The following IL15RA variants were observed in gnomAD, a reference collection of about 807,000 sequenced individuals.
IL15RA encodes interleukin-15 receptor subunit alpha.
IL15RA carries 26 observed loss-of-function variants against 24.2 expected under a neutral mutation model. The observed-to-expected ratio is 1.07, with a 90% CI of 0.79 to 1.49. IL15RA has a LOEUF of 1.49. Among genes scored for constraint, IL15RA ranks in the 40% most tolerant of loss-of-function variants. IL15RA has a pLI of 0.00. For synonymous variants in IL15RA, 166 were observed against 157.6 expected, an observed-to-expected ratio of 1.05 and a Z score of -0.40; for missense variants, 354 against 356.4, an observed-to-expected ratio of 0.99 and a Z score of 0.05.
rs1490119570 is a variant in IL15RA, at chr10:5,955,813, G to A, written c.692+566C>T. Among the ~76,000 whole-genome samples the A allele has an allele frequency of 1.3e-5, 2 of 152,154 alleles. No individual in the cohort carries two copies. Among genetic ancestry groups the A allele is most frequent in the Non-Finnish European group, 2.9e-5 (2 of 68,032 alleles). On this transcript the variant is annotated intron_variant, in intron 6 of 6. Transcript: ENST00000379977. The surrounding 1 kb of genome is among the most constrained non-coding windows in gnomAD (Gnocchi z 5.3). ...ACAAGAAGAATGGGTAGGACTGCAC[G>A]CGTTGGCCACCTGGTGCACTTTCTC...
chr10:5,952,080 T>G (rs1429012174), downstream of IL15RA, among the ~76,000 whole-genome samples: 1 of 152,162 alleles, frequency 6.6e-6, no homozygotes, highest in African/African-American at 2.4e-5. Context: ...AGGCCCATGA[T>G]TTTAGAAATA....
rs1000546143 is a variant in IL15RA, at chr10:5,977,389, G to A, written c.88+16C>T. 34 of 1,242,900 alleles carry A rather than the reference G, an allele frequency of 2.7e-5. No homozygotes were observed. The highest frequency in any genetic ancestry group is 3.2e-5 in the Non-Finnish European group (31 of 970,788). 77.0% of individuals were successfully genotyped at this position (1,242,900 alleles called of 1,614,324 possible). ...TTCCAAGTCCCGCCCGGGCGCCCCT[G>A]CTCCCAGCTCCCTACCCCGCGTCGC... is the stretch of plus-strand genomic sequence containing the variant. On this transcript the variant is annotated intron_variant, in intron 1 of 6. Transcript: ENST00000379977.
chr10:5,950,933 T>G (rs1321614182), downstream of IL15RA: 3 of 151,930 alleles, frequency 2.0e-5, no homozygotes, highest in African/African-American at 7.3e-5. This position sits in a 1 kb window ranked among gnomAD's most constrained non-coding sequence, Gnocchi z 5.6. Context: ...GGCTCACAAG[T>G]TCAAGAGACC....
intron 1 of IL15RA, chr10:5,977,044 A>C: frequency 5.0e-6 from 1 of 198,068 alleles, no homozygotes; most frequent in Non-Finnish European, 1.0e-5. Context: ...GCCTGGGAGA[A>C]GCGCACTCGC....
At chr10:5,949,459 A>G, downstream of IL15RA, 1 of 453,248 alleles carries the variant, frequency 2.2e-6, no homozygotes, top group Admixed American at 2.4e-5. This position sits in a 1 kb window ranked among gnomAD's most constrained non-coding sequence, Gnocchi z 4.4. Flanking sequence ...GGAGGCTGTG[A>G]TTTGGGTCGG....
At chr10:5,956,722 C>T (rs998440876) in intron 5 of IL15RA, among the ~76,000 whole-genome samples, 8 of 152,120 alleles carry the variant, frequency 5.3e-5, no homozygotes, top group East Asian at 1.9e-4. Flanking sequence ...CCTGGGGTGA[C>T]GGGGCAGGGA....
intron 1 of IL15RA, among the ~76,000 whole-genome samples, chr10:5,969,428 A>C (rs1431416233): frequency 6.6e-6 from 1 of 152,100 alleles, no homozygotes; most frequent in African/African-American, 2.4e-5. Context: ...CGGGGAGTGC[A>C]GTGGCATGAT....
rs1209175450 is a variant in IL15RA, at chr10:5,956,465, G to A, written c.617-11C>T. On this transcript the variant is annotated splice_polypyrimidine_tract_variant and intron_variant, in intron 5 of 6. Coordinates refer to ENST00000379977, the MANE Select transcript of IL15RA (RefSeq NM_002189.4). ...ACGTGGAGATAGCCACTGAAAGGGA[G>A]GAGACCACGCTGAGATACCCAGAAG... The A allele has an allele frequency of 2.5e-6, 4 of 1,606,170 alleles. No homozygotes were observed. The highest frequency in any genetic ancestry group is 3.3e-5 in the Admixed American group (2 of 59,982).
In IL15RA at chr10:5,963,121, C is replaced by T. The variant is rs934840737; in HGVS notation, c.382+622G>A. Among the ~76,000 whole-genome samples, 1 of 152,206 alleles carries T rather than the reference C, an allele frequency of 6.6e-6. No individual in the cohort carries two copies. Among genetic ancestry groups the T allele is most frequent in the Admixed American group, 6.5e-5 (1 of 15,272 alleles). ...GGAGCTGATGGCCCTTTCTCTGGAC[C>T]ATCCTCTCAAGGGTGCTTCTACAGC... On this transcript the variant is annotated intron_variant, in intron 3 of 6. Transcript: ENST00000379977. This position sits in a 1 kb window ranked among gnomAD's most constrained non-coding sequence, Gnocchi z 5.3.
rs1196427656 is a variant in IL15RA at position 5,961,097 on chromosome 10, T to C, written c.383-530A>G. Reference sequence around the variant, plus strand: ...GCCCAGCTAATTTTTGTATTTTTAATAGAGATGGGGTTTCACCACGTTGGC... The same window carrying C: ...GCCCAGCTAATTTTTGTATTTTTAACAGAGATGGGGTTTCACCACGTTGGC... On this transcript the variant is annotated intron_variant, in intron 3 of 6. Coordinates refer to ENST00000379977, the MANE Select transcript of IL15RA (RefSeq NM_002189.4). This position sits in a 1 kb window ranked among gnomAD's most constrained non-coding sequence, Gnocchi z 5.2. Among the ~76,000 whole-genome samples the C allele has an allele frequency of 6.6e-6, 1 of 152,092 alleles. No individual in the cohort carries two copies. Among genetic ancestry groups the C allele is most frequent in the Non-Finnish European group, 1.5e-5 (1 of 67,994 alleles).
In IL15RA at chr10:5,967,975, C is replaced by T. The variant is rs1589231519; in HGVS notation, c.89-1636G>A. 6.6e-6 allele frequency among the ~76,000 whole-genome samples: 1 copy of T among 152,252 alleles called. No homozygotes were observed. Among genetic ancestry groups the T allele is most frequent in the East Asian group, 1.9e-4 (1 of 5,176 alleles). On this transcript the variant is annotated intron_variant, in intron 1 of 6. Coordinates refer to ENST00000379977, the MANE Select transcript of IL15RA (RefSeq NM_002189.4). The surrounding 1 kb of genome is among the most constrained non-coding windows in gnomAD (Gnocchi z 4.4). Reference sequence around the variant, plus strand: ...TCAGGAGGCTGAGGCAGGAGAATCACAGGAACCTGAGAGGCGGAGGTTGCA... The same window carrying T: ...TCAGGAGGCTGAGGCAGGAGAATCATAGGAACCTGAGAGGCGGAGGTTGCA...
In IL15RA at chr10:5,952,983, C is replaced by A; in HGVS notation, c.*112G>T. The A allele has an allele frequency of 1.3e-6, 1 of 782,260 alleles. No homozygotes were observed. Among genetic ancestry groups the A allele is most frequent in the African/African-American group, 1.7e-5 (1 of 58,096 alleles). The allele number at this position is 782,260 out of a possible 1,614,324, so 48.5% of individuals were successfully genotyped here. On this transcript the variant is annotated 3_prime_UTR_variant, in exon 7 of 7. Transcript: ENST00000379977. ...AGATCCTGCTGGGACTTCTGAGAGG[C>A]CTGGTGAGCTTGCTCCTGGAGCCCG...
rs574546663 is a variant in IL15RA, at chr10:5,963,907, G to A, written c.284-66C>T. 40 of 988,720 alleles carry A rather than the reference G, an allele frequency of 4.0e-5. No homozygotes were observed. Among genetic ancestry groups the A allele is most frequent in the South Asian group, 5.0e-5 (3 of 59,840 alleles). The allele number at this position is 988,720 out of a possible 1,614,324, so 61.2% of individuals were successfully genotyped here. ...CTGGAACCTGGGCTGGCTTCAGAACGGGATACAAATAAAATATATCAACAC... is the reference window on the plus strand; with the variant it reads ...CTGGAACCTGGGCTGGCTTCAGAACAGGATACAAATAAAATATATCAACAC... On this transcript the variant is annotated intron_variant, in intron 2 of 6. Coordinates refer to ENST00000379977, the MANE Select transcript of IL15RA (RefSeq NM_002189.4). The surrounding 1 kb of genome is among the most constrained non-coding windows in gnomAD (Gnocchi z 5.3).
rs1437888210 is a variant in IL15RA, at chr10:5,965,872, C to T, written c.283+273G>A. ...AGTAGCTGGGATTACAGGCGCCTGC[C>T]ACCACGCCCGGCTACTTTTTGTATT... On this transcript the variant is annotated intron_variant, in intron 2 of 6. Coordinates refer to ENST00000379977, the MANE Select transcript of IL15RA (RefSeq NM_002189.4). This position sits in a 1 kb window ranked among gnomAD's most constrained non-coding sequence, Gnocchi z 5.8. Among the ~76,000 whole-genome samples, 1 of 152,208 alleles carries T rather than the reference C, an allele frequency of 6.6e-6. No homozygotes were observed. The highest frequency in any genetic ancestry group is 6.5e-5 in the Admixed American group (1 of 15,282).
At chr10:5,949,896 G>C (rs1833756494), downstream of IL15RA, among the ~76,000 whole-genome samples, 1 of 152,114 alleles carries the variant, frequency 6.6e-6, no homozygotes, top group East Asian at 1.9e-4. The surrounding 1 kb of genome is among the most constrained non-coding windows in gnomAD (Gnocchi z 4.4). Context: ...AGGAGTTCGA[G>C]ACCAGCCTGG....
At position 5,952,957 on chromosome 10, in the gene IL15RA, G is replaced by A; in HGVS notation, c.*138C>T. The stretch of plus-strand genomic sequence containing the variant: ...AGGAGGCGCCGACCCGGCAGTCCGT[G>A]AGATCCTGCTGGGACTTCTGAGAGG... On this transcript the variant is annotated 3_prime_UTR_variant, in exon 7 of 7. Coordinates refer to ENST00000379977, the MANE Select transcript of IL15RA (RefSeq NM_002189.4). 1 of 692,576 alleles carries A rather than the reference G, an allele frequency of 1.4e-6. No individual in the cohort carries two copies. Among genetic ancestry groups the A allele is most frequent in the Non-Finnish European group, 2.5e-6 (1 of 392,258 alleles). 42.9% of individuals were successfully genotyped at this position (692,576 alleles called of 1,614,324 possible).
chr10:5,956,723 G>C (rs938960709), intron 5 of IL15RA, among the ~76,000 whole-genome samples: 1 of 152,190 alleles, frequency 6.6e-6, no homozygotes, highest in Non-Finnish European at 1.5e-5. Flanking sequence ...CTGGGGTGAC[G>C]GGGCAGGGAC....
intron 1 of IL15RA, among the ~76,000 whole-genome samples, chr10:5,976,014 A>G (rs1838397510): frequency 6.6e-6 from 1 of 152,226 alleles, no homozygotes; most frequent in African/African-American, 2.4e-5. Context: ...GAGATCAGAG[A>G]TCTCACAGTG....
Position 5,963,609 on chromosome 10 carries a change from G to C in IL15RA, c.382+134C>G. The C allele has an allele frequency of 2.0e-6, 1 of 503,292 alleles. No homozygotes were observed. Among genetic ancestry groups the C allele is most frequent in the Non-Finnish European group, 3.5e-6 (1 of 286,102 alleles). 31.2% of individuals were successfully genotyped at this position (503,292 alleles called of 1,614,324 possible). A position where few individuals can be genotyped will look rare whatever the true frequency, so the allele number is the denominator to read the frequency against. On this transcript the variant is annotated intron_variant, in intron 3 of 6. Transcript: ENST00000379977. This position sits in a 1 kb window ranked among gnomAD's most constrained non-coding sequence, Gnocchi z 5.3. ...AAGTTGGACGTTCTTATTCTTGATTGAATAAGACGTTTGCGCTATTGCCTA... is the reference window on the plus strand; with the variant it reads ...AAGTTGGACGTTCTTATTCTTGATTCAATAAGACGTTTGCGCTATTGCCTA...
Sources: gnomAD v4.1 joint callset for allele counts (sites outside exome capture counted in the v4.1 genomes callset) on GRCh38, gnomAD v4.1.1 for gene constraint, Gnocchi (gnomAD v3.1) non-coding constraint, MANE v1.5 for transcripts, NCBI Gene and HGNC (gene_info 2026-07-23, HGNC 2026-07-21) for gene names.